The following LHPP variants were observed in gnomAD, a reference collection of about 807,000 sequenced individuals.
LHPP encodes the protein hLHPP.
In LHPP, 24 loss-of-function variants were observed where a neutral mutation model predicts 30.3. The ratio of observed to expected loss-of-function variants is 0.79; its 90% CI spans 0.57 to 1.11. The LOEUF is 1.11. Ranked by LOEUF, LHPP falls within the 50% of genes most tolerant of loss-of-function variation. The probability of loss-of-function intolerance (pLI) is 0.00; values close to 1 mark genes in which losing one functional copy is unlikely to be tolerated. For missense variants in LHPP, 356 were observed against 367.2 expected (o/e 0.97, Z 0.25); for synonymous variants, 150 against 157.1 (o/e 0.95, Z 0.34).
At chr10:124,477,895 C>A (rs536369388) in intron 1 of LHPP, among the ~76,000 whole-genome samples, 5 of 152,266 alleles carry the variant, frequency 3.3e-5, no homozygotes, top group African/African-American at 1.2e-4. Flanking sequence ...ACCTGGTGGC[C>A]CCTCTGTGGC....
At chr10:124,579,363 G>T (rs920644119) in intron 6 of LHPP, among the ~76,000 whole-genome samples, 3 of 152,242 alleles carry the variant, frequency 2.0e-5, no homozygotes, top group African/African-American at 7.2e-5. Context: ...GCCAACAGGG[G>T]AAAACTTACA....
At chr10:124,560,354 T>C (rs768346327) in intron 6 of LHPP, among the ~76,000 whole-genome samples, 48 of 152,352 alleles carry the variant, frequency 3.2e-4, no homozygotes, top group Middle Eastern at 3.4e-3. Context: ...TTTTTTGGAC[T>C]TCTTAAACAT....
At chr10:124,524,896 TTGTGA>T (rs537062987) in intron 6 of LHPP, among the ~76,000 whole-genome samples, 44 of 152,194 alleles carry the variant, frequency 2.9e-4, no homozygotes, top group Non-Finnish European at 5.4e-4. Context: ...CATTAAACAA[TTGTGA>T]TGTGAAGTGA....
rs376421647 is a variant in LHPP at position 124,484,213 on chromosome 10, A to G, written c.200A>G (p.Gln67Arg). The G allele has an allele frequency of 2.3e-5, 37 of 1,614,120 alleles. No homozygotes were observed. In the Admixed American group the frequency reaches 4.5e-4, roughly 20 times the overall value. Residue 67 changes from glutamine to arginine, a missense_variant, in exon 2 of 7, where the codon CAG (glutamine) becomes CGG (arginine). By Grantham distance (43) the Gln-to-Arg change is conservative. Transcript: ENST00000368842. ...AAGTCCCGGGCAGAGCTGGTGGGGCAGCTTCAGAGGCTGGGATTTGACATC... is the reference window on the plus strand; with the variant it reads ...AAGTCCCGGGCAGAGCTGGTGGGGCGGCTTCAGAGGCTGGGATTTGACATC... Reference protein sequence around the residue: ...SQKSRAELVGQLQRLGFDISE... With the variant: ...SQKSRAELVGRLQRLGFDISE...
At chr10:124,462,105 T>C (rs1952417887) in intron 1 of LHPP, 118 bp downstream of exon 1, 1 of 965,524 alleles carries the variant, frequency 1.0e-6, no homozygotes, top group African/African-American at 1.7e-5. Flanking sequence ...CCCGCCTCGG[T>C]CTCCCCCTTC....
At chr10:124,521,035 G>GA (rs1462494243) in intron 6 of LHPP, among the ~76,000 whole-genome samples, 5 of 152,182 alleles carry the variant, frequency 3.3e-5, no homozygotes, top group African/African-American at 1.2e-4. Flanking sequence ...GTGGCCCCAG[G>GA]TGGCAGCTGC....
rs544324846 is a variant in LHPP at position 124,461,826 on chromosome 10, G to C, written c.-37G>C. 1.3e-4 allele frequency: 160 copies of C among 1,225,490 alleles called. No homozygotes were observed. In the African/African-American group the frequency reaches 2.2e-3, roughly 17 times the overall value. The allele number at this position is 1,225,490 out of a possible 1,614,324, so 75.9% of individuals were successfully genotyped here. On this transcript the variant is annotated 5_prime_UTR_variant, in exon 1 of 7. Coordinates refer to ENST00000368842, the MANE Select transcript of LHPP (RefSeq NM_022126.4). ...CGGCCGCGGCGCCGGCGCCGGCGTC[G>C]GTTGGGACGCGGAGCTGAGGAGCAG... is the stretch of plus-strand genomic sequence containing the variant.
At chr10:124,487,670 C>T (rs780942805) in intron 2 of LHPP, among the ~76,000 whole-genome samples, 4 of 152,188 alleles carry the variant, frequency 2.6e-5, no homozygotes, top group Non-Finnish European at 4.4e-5. Context: ...TCTCGAACTC[C>T]TGAACTCAGG....
intron 6 of LHPP, chr10:124,526,031 C>A: frequency 3.7e-6 from 1 of 270,792 alleles, no homozygotes; most frequent in Non-Finnish European, 5.7e-6. Context: ...TGTAGGCAGC[C>A]TCCCAACCCC....
At chr10:124,571,758 C>T (rs1247853494) in intron 6 of LHPP, among the ~76,000 whole-genome samples, 1 of 152,196 alleles carries the variant, frequency 6.6e-6, no homozygotes, top group Non-Finnish European at 1.5e-5. Flanking sequence ...CGCTGGTCCT[C>T]AGGAAGCATC....
rs188528906 is a variant in LHPP, at chr10:124,500,237, C to T, written c.624+2109C>T. On this transcript the variant is annotated intron_variant, in intron 5 of 6. Transcript: ENST00000368842. Reference sequence around the variant, plus strand: ...CCTGTAATCCCAGCACTTTGGGAGGCTGAGGCAGGTGGATCACCTGAGGTC... The same window carrying T: ...CCTGTAATCCCAGCACTTTGGGAGGTTGAGGCAGGTGGATCACCTGAGGTC... Among the ~76,000 whole-genome samples, 122 of 152,058 alleles carry T rather than the reference C, an allele frequency of 8.0e-4. 2 individuals are homozygous for T. The highest frequency in any genetic ancestry group is 2.9e-3 in the African/African-American group (118 of 41,314).
At chr10:124,561,839 G>A (rs1589866469) in intron 6 of LHPP, among the ~76,000 whole-genome samples, 1 of 152,226 alleles carries the variant, frequency 6.6e-6, no homozygotes, top group East Asian at 1.9e-4. Flanking sequence ...CACCTGTCAT[G>A]CTAAGAACCA....
chr10:124,500,594 A>G (rs538035993), intron 5 of LHPP, among the ~76,000 whole-genome samples: 11 of 152,008 alleles, frequency 7.2e-5, no homozygotes, highest in Non-Finnish European at 1.5e-4. Context: ...CGATTTTTGG[A>G]TGTAAATACA....
intron 1 of LHPP, among the ~76,000 whole-genome samples, chr10:124,464,622 T>G (rs960014845): frequency 1.3e-5 from 2 of 152,162 alleles, no homozygotes; most frequent in Non-Finnish European, 2.9e-5. Flanking sequence ...TTAGACTAGC[T>G]CAGTCACAGA....
At chr10:124,464,421 G>A (rs960152321) in intron 1 of LHPP, among the ~76,000 whole-genome samples, 5 of 152,152 alleles carry the variant, frequency 3.3e-5, no homozygotes, top group African/African-American at 7.2e-5. Flanking sequence ...GGACCCAAAC[G>A]GTCCCGCATA....
chr10:124,605,639 CTG>C (rs1798806858), intron 6 of LHPP: 1 of 152,400 alleles, frequency 6.6e-6, no homozygotes, highest in African/African-American at 2.4e-5. Context: ...AGCCCAGACA[CTG>C]AGTGGCTGGC....
At chr10:124,589,964 T>TTGAC (rs1948858817) in intron 6 of LHPP, among the ~76,000 whole-genome samples, 1 of 152,208 alleles carries the variant, frequency 6.6e-6, no homozygotes, top group East Asian at 1.9e-4. Flanking sequence ...ATCCAGTTGT[T>TTGAC]TGACTTCATG....
At chr10:124,540,347 G>A (rs1294812123) in intron 6 of LHPP, among the ~76,000 whole-genome samples, 2 of 152,060 alleles carry the variant, frequency 1.3e-5, no homozygotes, top group Non-Finnish European at 2.9e-5. Flanking sequence ...ACTTGCGGCC[G>A]GGGACCCAGC....
chr10:124,527,053 C>G (rs1364261876), intron 6 of LHPP, among the ~76,000 whole-genome samples: 1 of 152,220 alleles, frequency 6.6e-6, no homozygotes, highest in South Asian at 2.1e-4. Flanking sequence ...GCTGCCAGAG[C>G]CTGCCCGCCA....
Sources: gnomAD v4.1 joint callset for allele counts (sites outside exome capture counted in the v4.1 genomes callset) on GRCh38, gnomAD v4.1.1 for gene constraint, MANE v1.5 for transcripts, NCBI Gene and HGNC (gene_info 2026-07-23, HGNC 2026-07-21) for gene names.